Variants in SAG observed in about 807,000 individuals in gnomAD.
SAG encodes S-arrestin.
Under a neutral mutation model 55.0 loss-of-function variants are expected in SAG, and 45 were observed. The ratio of observed to expected loss-of-function variants is 0.82; its 90% CI spans 0.64 to 1.05. The LOEUF (loss-of-function observed/expected upper bound fraction) is 1.05. Among genes scored for constraint, SAG ranks in the 50% least tolerant of loss-of-function variants. SAG has a pLI of 0.00. For missense variants in SAG, 455 were observed against 512.1 expected (o/e 0.89, Z 1.08); for synonymous variants, 189 against 197.4 (o/e 0.96, Z 0.36).
chr2:233,328,329 T>C, intron 7 of SAG, 149 bp from the exon 8 acceptor site: 2 of 897,578 alleles, frequency 2.2e-6, no homozygotes, highest in Admixed American at 5.2e-5. Context: ...CCTCAGGCTC[T>C]GACCAGTGTC....
intron 6 of SAG, among the ~76,000 whole-genome samples, chr2:233,326,481 A>G (rs1450832057): frequency 6.6e-6 from 1 of 151,590 alleles, no homozygotes; most frequent in Non-Finnish European, 1.5e-5. Flanking sequence ...GCTACTCAGG[A>G]GGCTGAGGCA....
At chr2:233,322,275 G>T (rs1574936095) in intron 5 of SAG, among the ~76,000 whole-genome samples, 1 of 150,598 alleles carries the variant, frequency 6.6e-6, no homozygotes, top group African/African-American at 2.4e-5. Context: ...TTACAGCATT[G>T]TTTGTAATGG....
intron 13 of SAG, among the ~76,000 whole-genome samples, chr2:233,341,370 G>A (rs528387435): frequency 2.6e-5 from 4 of 152,178 alleles, no homozygotes; most frequent in Non-Finnish European, 5.9e-5. Flanking sequence ...TTAACTTGCT[G>A]CTGCTTCGTG....
At chr2:233,331,440 T>G (rs1243148314) in intron 9 of SAG, 200 bp from the exon 10 acceptor site, 1 of 637,470 alleles carries the variant, frequency 1.6e-6, no homozygotes, top group Admixed American at 2.7e-5. Context: ...CAGAGCAGGT[T>G]ATGGGTGACC....
intron 2 of SAG, among the ~76,000 whole-genome samples, chr2:233,313,413 A>G (rs1047298566): frequency 1.3e-5 from 2 of 152,190 alleles, no homozygotes; most frequent in Non-Finnish European, 2.9e-5. Context: ...GGTTTATTCC[A>G]CAGAGAAGGA....
At chr2:233,325,665 T>G (rs73995905) in intron 6 of SAG, among the ~76,000 whole-genome samples, 3 of 152,272 alleles carry the variant, frequency 2.0e-5, no homozygotes, top group African/African-American at 7.2e-5. Context: ...AAATTCAGAT[T>G]TTTAGGTGAC....
intron 12 of SAG, among the ~76,000 whole-genome samples, chr2:233,339,225 T>A (rs1349047493): frequency 6.6e-6 from 1 of 152,194 alleles, no homozygotes; most frequent in African/African-American, 2.4e-5. Context: ...AGAGTGCCAA[T>A]ATCTCAGAGT....
chr2:233,324,481 ATGT>A (rs1268104064), intron 6 of SAG, among the ~76,000 whole-genome samples: 4 of 152,138 alleles, frequency 2.6e-5, no homozygotes, highest in African/African-American at 4.8e-5. Flanking sequence ...GGCCTTGTCG[ATGT>A]TGTAGAGACT....
In SAG at chr2:233,338,750, CAG is replaced by C; in HGVS notation, c.1020_1021del (p.Gly341LeufsTer9). 2 of 1,613,764 alleles carry C rather than the reference CAG, an allele frequency of 1.2e-6. No homozygotes were observed. The highest frequency in any genetic ancestry group is 2.2e-5 in the South Asian group (2 of 91,080). Reference sequence around the variant, plus strand: ...CAGATCAAGGTGAAGCTCACAGTGTCAGGGTAAGTGTCCCGGCACCAACCCTC... The same window carrying C: ...CAGATCAAGGTGAAGCTCACAGTGTCGGTAAGTGTCCCGGCACCAACCCTC... On this transcript the variant is annotated frameshift_variant and splice_region_variant, in exon 12 of 16. Transcript: ENST00000409110. LOFTEE classifies it high-confidence loss of function.
intron 10 of SAG, chr2:233,332,039 T>C: frequency 3.0e-6 from 1 of 336,876 alleles, no homozygotes; most frequent in South Asian, 3.2e-5. Flanking sequence ...AGGAATTTGG[T>C]ACTATTTCCA....
At chr2:233,329,800 A>G (rs1252332675) in intron 9 of SAG, among the ~76,000 whole-genome samples, 1 of 152,244 alleles carries the variant, frequency 6.6e-6, no homozygotes, top group African/African-American at 2.4e-5. Context: ...TTGGAACAAA[A>G]TTCCTGGCAA....
chr2:233,338,862 C>A, intron 12 of SAG, 109 bp downstream of exon 12: 1 of 895,730 alleles, frequency 1.1e-6, no homozygotes. Context: ...AGGCCCATAG[C>A]TTCTACCAAG....
chr2:233,329,272 T>C (rs1020869871), intron 8 of SAG: 30 of 509,076 alleles, frequency 5.9e-5, no homozygotes, highest in Middle Eastern at 5.4e-4. Context: ...CCTCCTCCGA[T>C]GTGATGATCG....
chr2:233,308,803 A>G (rs1193492245), intron 1 of SAG, among the ~76,000 whole-genome samples: 3 of 152,186 alleles, frequency 2.0e-5, no homozygotes, highest in African/African-American at 4.8e-5. Flanking sequence ...TTTATTCGCC[A>G]TTAGACACAG....
In SAG at chr2:233,320,568, G is replaced by A. The variant is rs148233262; in HGVS notation, c.182-62G>A. ...AAAACCCGTGTTCGCTGCCCATTCC[G>A]TCAGTGGTGGTGGGTGCCAGGCCGA... On this transcript the variant is annotated intron_variant, in intron 4 of 15. Transcript: ENST00000409110. 2,698 of 1,330,768 alleles carry A rather than the reference G, an allele frequency of 2.0e-3. 31 individuals are homozygous for A. The East Asian group carries it at 0.036, about 18-fold the overall frequency. The allele number at this position is 1,330,768 out of a possible 1,614,324, so 82.4% of individuals were successfully genotyped here.
In SAG at chr2:233,338,770, C is replaced by T. The variant is rs755682655; in HGVS notation, c.1022+17C>T. On this transcript the variant is annotated intron_variant, in intron 12 of 15. Coordinates refer to ENST00000409110, the MANE Select transcript of SAG (RefSeq NM_000541.5). ...AGTGTCAGGGTAAGTGTCCCGGCAC[C>T]AACCCTCGGGCTGCTCTGTCCTGGT... 3.7e-6 allele frequency: 6 copies of T among 1,606,118 alleles called. No homozygotes were observed. In the South Asian group the frequency reaches 6.6e-5, roughly 18 times the overall value.
rs1700773750 is a variant in SAG, at chr2:233,331,768, T to TTCTCGCCGTTTATTGCTG, written c.806+57_806+74dup. 24 of 1,268,650 alleles carry TTCTCGCCGTTTATTGCTG rather than the reference T, an allele frequency of 1.9e-5. 2 individuals carry two copies. The highest frequency in any genetic ancestry group is 1.2e-4 in the African/African-American group (8 of 68,210). The allele number at this position is 1,268,650 out of a possible 1,614,324, so 78.6% of individuals were successfully genotyped here. A position where few individuals can be genotyped will look rare whatever the true frequency, so the allele number is the denominator to read the frequency against. On this transcript the variant is annotated intron_variant, in intron 10 of 15. Coordinates refer to ENST00000409110, the MANE Select transcript of SAG (RefSeq NM_000541.5). ...GGCGTCTCAGCCTTCTGTGTCAAGT[T>TTCTCGCCGTTTATTGCTG]TCTCGCCGTTTATTGCTGAAGAAGG...
At chr2:233,343,578 G>A in intron 14 of SAG, 3 of 803,306 alleles carry the variant, frequency 3.7e-6, no homozygotes, top group South Asian at 3.2e-5. Context: ...ACTGTGAAAA[G>A]GTAAATTGTA....
chr2:233,341,274 G>A (rs537974231), intron 13 of SAG, among the ~76,000 whole-genome samples: 76 of 152,328 alleles, frequency 5.0e-4, no homozygotes, highest in African/African-American at 1.8e-3. Context: ...ATCCTGAGTA[G>A]CTGGGATTAC....
Sources: gnomAD v4.1 joint callset for allele counts (sites outside exome capture counted in the v4.1 genomes callset) on GRCh38, gnomAD v4.1.1 for gene constraint, MANE v1.5 for transcripts, NCBI Gene and HGNC (gene_info 2026-07-23, HGNC 2026-07-21) for gene names.